The following LRRIQ1 variants were observed in gnomAD, a reference collection of about 807,000 sequenced individuals.
The protein encoded by LRRIQ1 is leucine-rich repeat- and IQ domain-containing protein 1.
A neutral mutation model predicts 211.9 loss-of-function variants in LRRIQ1; 210 were observed. The observed-to-expected ratio is 0.99, with a 90% CI of 0.89 to 1.11. The LOEUF is 1.11. LRRIQ1 is among the 50% of genes most tolerant of loss of function. The pLI is 0.00. For synonymous variants in LRRIQ1, 699 were observed against 650.1 expected (o/e 1.08, Z -1.14); for missense variants, 2,136 against 1,939.5 (o/e 1.10, Z -1.90).
At chr12:85,265,950 CAA>C (rs1896408687), downstream of LRRIQ1, among the ~76,000 whole-genome samples, 1 of 151,902 alleles carries the variant, frequency 6.6e-6, no homozygotes, top group Non-Finnish European at 1.5e-5. Context: ...ACAGGGCACA[CAA>C]ATCCTAGTTT....
chr12:85,192,342 C>A (rs966247919), intron 24 of LRRIQ1, among the ~76,000 whole-genome samples: 1 of 143,154 alleles, frequency 7.0e-6, no homozygotes, highest in Admixed American at 7.5e-5. Flanking sequence ...TGATCTCATT[C>A]TTTTTTTATG....
chr12:85,134,530 C>G (rs188203720), intron 18 of LRRIQ1, among the ~76,000 whole-genome samples: 394 of 152,064 alleles, frequency 2.6e-3, no homozygotes, highest in African/African-American at 9.0e-3. Context: ...ATTTTGAAAA[C>G]CATGCTACTT....
chr12:85,110,027 G>A (rs1173761512), intron 15 of LRRIQ1, among the ~76,000 whole-genome samples: 1 of 151,950 alleles, frequency 6.6e-6, no homozygotes, highest in Non-Finnish European at 1.5e-5. Context: ...CTCATGGGGT[G>A]GTTATGAGAA....
chr12:85,147,701 T>G (rs10083014), intron 19 of LRRIQ1, among the ~76,000 whole-genome samples: 8,612 of 136,080 alleles, frequency 0.063, 829 homozygotes, highest in African/African-American at 0.22. Flanking sequence ...CTGAGATAGA[T>G]AGCTGCTATT....
intron 15 of LRRIQ1, among the ~76,000 whole-genome samples, chr12:85,116,086 T>A (rs1184547431): frequency 6.6e-6 from 1 of 152,234 alleles, no homozygotes; most frequent in African/African-American, 2.4e-5. Flanking sequence ...GTAGTATAAC[T>A]GCAGCAGTGC....
chr12:85,187,489 C>A (rs1892277358), intron 24 of LRRIQ1, among the ~76,000 whole-genome samples: 1 of 151,992 alleles, frequency 6.6e-6, no homozygotes, highest in Non-Finnish European at 1.5e-5. Context: ...TGTAAATCAG[C>A]AAAGAGTACT....
At chr12:85,207,577 G>GT (rs1893623492) in intron 24 of LRRIQ1, among the ~76,000 whole-genome samples, 1 of 151,956 alleles carries the variant, frequency 6.6e-6, no homozygotes, top group Non-Finnish European at 1.5e-5. Flanking sequence ...CCTTGATGTT[G>GT]TATCTAAAAA....
At chr12:85,097,041 A>C (rs1332995333) in intron 11 of LRRIQ1, among the ~76,000 whole-genome samples, 1 of 152,048 alleles carries the variant, frequency 6.6e-6, no homozygotes, top group African/African-American at 2.4e-5. Flanking sequence ...CTTTGAGCCT[A>C]TATGTTTTGT....
At chr12:85,267,090 A>G (rs891960643), downstream of LRRIQ1, among the ~76,000 whole-genome samples, 1 of 152,096 alleles carries the variant, frequency 6.6e-6, no homozygotes, top group South Asian at 2.1e-4. Context: ...ACTATTTTTT[A>G]AAATAAATAC....
At chr12:85,051,569 C>G (rs1402281717) in intron 6 of LRRIQ1, among the ~76,000 whole-genome samples, 1 of 152,126 alleles carries the variant, frequency 6.6e-6, no homozygotes, top group East Asian at 1.9e-4. Flanking sequence ...TGCATAAAAC[C>G]TTTCATGATC....
chr12:85,206,823 AGAGGG>A (rs952084172), intron 24 of LRRIQ1, among the ~76,000 whole-genome samples: 5 of 152,126 alleles, frequency 3.3e-5, no homozygotes, highest in African/African-American at 1.2e-4. Context: ...GCCGGCAGAC[AGAGGG>A]GAACTCAGGT....
chr12:85,089,460 A>G (rs1223603054), intron 11 of LRRIQ1, among the ~76,000 whole-genome samples: 2 of 152,232 alleles, frequency 1.3e-5, no homozygotes, highest in Non-Finnish European at 2.9e-5. Flanking sequence ...TGTTGCCAAA[A>G]TGCTGATAGT....
intron 24 of LRRIQ1, among the ~76,000 whole-genome samples, chr12:85,169,080 A>G (rs1258898318): frequency 6.6e-6 from 1 of 152,164 alleles, no homozygotes. Context: ...CATTTGTACA[A>G]GGCACTGTTC....
rs181250599 is a variant in LRRIQ1, at chr12:85,134,446, T to C, written c.4210-3404T>C. 8.7e-4 allele frequency among the ~76,000 whole-genome samples: 133 copies of C among 152,244 alleles called. 1 individual carries two copies. The highest frequency in any genetic ancestry group is 1.7e-3 in the Non-Finnish European group (118 of 68,002). On this transcript the variant is annotated intron_variant, in intron 18 of 26. Coordinates refer to ENST00000393217, the MANE Select transcript of LRRIQ1 (RefSeq NM_001079910.2). ...AGTCCCCTTTAAAATGGGAAGTCCA[T>C]GCTTAGAGATTTTTTTGTCTGTTTT...
chr12:85,236,994 AAC>A (rs1450494777), intron 26 of LRRIQ1, among the ~76,000 whole-genome samples: 1 of 151,406 alleles, frequency 6.6e-6, no homozygotes, highest in Non-Finnish European at 1.5e-5. Flanking sequence ...TATATTATGA[AAC>A]ACAGTACTGC....
intron 2 of LRRIQ1, among the ~76,000 whole-genome samples, chr12:85,039,781 C>T (rs1223001268): frequency 1.3e-5 from 2 of 151,506 alleles, no homozygotes; most frequent in African/African-American, 2.4e-5. Flanking sequence ...TGAGGTCCCT[C>T]AGTGAAGTGT....
chr12:85,271,330 T>A, the LRRIQ1 span, among the ~76,000 whole-genome samples: 33 of 152,222 alleles, frequency 2.2e-4, no homozygotes, highest in Admixed American at 1.9e-3. Flanking sequence ...TGTTAGAAAG[T>A]TAGTCTTTTA....
At chr12:85,186,437 G>T (rs1161534080) in intron 24 of LRRIQ1, among the ~76,000 whole-genome samples, 2 of 152,046 alleles carry the variant, frequency 1.3e-5, no homozygotes, top group African/African-American at 2.4e-5. Context: ...TGCCTCGATT[G>T]TGACCTCTGA....
intron 24 of LRRIQ1, among the ~76,000 whole-genome samples, chr12:85,171,973 G>A (rs1412097651): frequency 1.3e-5 from 2 of 152,174 alleles, no homozygotes; most frequent in Non-Finnish European, 2.9e-5. Flanking sequence ...TAATAATGTA[G>A]TGGTAGCTTC....
Sources: allele counts gnomAD v4.1 joint callset (sites outside exome capture counted in the v4.1 genomes callset), GRCh38; gene constraint gnomAD v4.1.1; transcripts MANE v1.5; gene names NCBI Gene and HGNC (gene_info 2026-07-23, HGNC 2026-07-21).